Variants in HHAT observed in about 807,000 individuals in gnomAD.
The protein encoded by HHAT is hedgehog acyltransferase, also known as protein-cysteine N-palmitoyltransferase HHAT.
In HHAT, 47 loss-of-function variants were observed where a neutral mutation model predicts 70.8. The ratio of observed to expected loss-of-function variants is 0.66; its 90% CI spans 0.53 to 0.85. HHAT has a LOEUF of 0.85. HHAT is among the 40% of genes least tolerant of loss of function. HHAT has a pLI of 0.00. For missense variants in HHAT, 609 were observed against 604.8 expected (o/e 1.01, Z -0.07); for synonymous variants, 228 against 247.6 (o/e 0.92, Z 0.74).
chr1:210,594,101 C>T (rs1195326233), intron 10 of HHAT, among the ~76,000 whole-genome samples: 2 of 152,176 alleles, frequency 1.3e-5, no homozygotes, highest in African/African-American at 2.4e-5. Context: ...ATTATGGGGT[C>T]CTGTTTTTTA....
chr1:210,337,937 A>G (rs1221868262), intron 1 of HHAT, among the ~76,000 whole-genome samples: 1 of 152,228 alleles, frequency 6.6e-6, no homozygotes, highest in Non-Finnish European at 1.5e-5. Flanking sequence ...GGTCTAAGAT[A>G]TTATTTGAGT....
intron 1 of HHAT, among the ~76,000 whole-genome samples, chr1:210,334,178 A>ATTTTTTTTTTTTTTTTTTTT (rs3033354): frequency 0.023 from 2,271 of 99,712 alleles, 513 homozygotes; most frequent in Non-Finnish European, 0.029. Context: ...TTAGCGTGTC[A>ATTTTTTTTTTTTTTTTTTTT]TTTTTTTTTT....
At chr1:210,573,724 A>G (rs1656922013) in intron 9 of HHAT, among the ~76,000 whole-genome samples, 2 of 152,124 alleles carry the variant, frequency 1.3e-5, no homozygotes, top group South Asian at 2.1e-4. Flanking sequence ...TGCTCAGGGT[A>G]TCTCCTGTTG....
intron 2 of HHAT, among the ~76,000 whole-genome samples, chr1:210,351,670 C>T (rs1285023166): frequency 2.6e-5 from 4 of 152,186 alleles, no homozygotes; most frequent in Non-Finnish European, 5.9e-5. Flanking sequence ...GGCTCACTCA[C>T]GTGGCTGGCA....
intron 9 of HHAT, among the ~76,000 whole-genome samples, chr1:210,531,289 T>C (rs371005757): frequency 3.3e-5 from 5 of 152,236 alleles, no homozygotes; most frequent in African/African-American, 1.2e-4. Context: ...ATATGAACTA[T>C]GGTAATTAAA....
At chr1:210,401,017 T>G (rs2092044405) in intron 5 of HHAT, among the ~76,000 whole-genome samples, 1 of 152,214 alleles carries the variant, frequency 6.6e-6, no homozygotes. Context: ...CCCTACAATT[T>G]ATAGGGAATG....
chr1:210,587,900 A>G lies in HHAT; in HGVS notation c.1046A>G (p.Tyr349Cys). The G allele has an allele frequency of 6.2e-7, 1 of 1,613,240 alleles. No individual in the cohort carries two copies. The highest frequency in any genetic ancestry group is 8.5e-7 in the Non-Finnish European group (1 of 1,179,510). Residue 349 changes from tyrosine to cysteine, a missense_variant and splice_region_variant, in exon 10 of 12, where the codon TAT (tyrosine) becomes TGT (cysteine). Transcript: ENST00000261458. ...DVGLHNFLIR[Y>C]VYIPVGGSQH... ...CTAACAGCCTCTTCTTTCTCTAGGT[A>G]TGTGTACATTCCAGTGGGCGGGTCC...
intron 11 of HHAT, among the ~76,000 whole-genome samples, chr1:210,663,118 A>G (rs1678117030): frequency 1.3e-5 from 2 of 152,228 alleles, no homozygotes; most frequent in East Asian, 1.9e-4. Flanking sequence ...ATGCTCTTCA[A>G]TGCTCACAGT....
intron 11 of HHAT, among the ~76,000 whole-genome samples, chr1:210,670,277 C>T (rs1679813511): frequency 6.6e-6 from 1 of 152,222 alleles, no homozygotes; most frequent in African/African-American, 2.4e-5. Flanking sequence ...AGCAGGCCCA[C>T]AGTCAGAGAC....
chr1:210,515,757 C>CA (rs34971563), intron 9 of HHAT, among the ~76,000 whole-genome samples: 22,524 of 80,094 alleles, frequency 0.28, 3,424 homozygotes, highest in South Asian at 0.4. Context: ...GACTCCGTCT[C>CA]AAAAAAAAAA....
intron 11 of HHAT, among the ~76,000 whole-genome samples, chr1:210,633,604 G>T (rs574760074): frequency 6.6e-6 from 1 of 152,068 alleles, no homozygotes; most frequent in Non-Finnish European, 1.5e-5. Flanking sequence ...TCCAGCCCCC[G>T]CCTGACTTCA....
chr1:210,539,668 G>A (rs935048818), intron 9 of HHAT, among the ~76,000 whole-genome samples: 1 of 152,314 alleles, frequency 6.6e-6, no homozygotes, highest in South Asian at 2.1e-4. Context: ...GTCTGGCAAT[G>A]TGTAAACTGA....
At chr1:210,588,147 G>C in intron 10 of HHAT, 48 bp downstream of exon 10, 1 of 1,474,768 alleles carries the variant, frequency 6.8e-7, no homozygotes, top group Non-Finnish European at 9.2e-7. Context: ...GAACTAGGCA[G>C]ATCAGGTTTA....
chr1:210,443,470 C>T (rs2093571007), intron 7 of HHAT, among the ~76,000 whole-genome samples: 1 of 145,868 alleles, frequency 6.9e-6, no homozygotes, highest in African/African-American at 2.5e-5. Flanking sequence ...ATTCTTCCTA[C>T]CCATGAGCAT....
intron 10 of HHAT, among the ~76,000 whole-genome samples, chr1:210,618,790 C>T (rs1668264830): frequency 6.6e-6 from 1 of 152,198 alleles, no homozygotes; most frequent in Non-Finnish European, 1.5e-5. Flanking sequence ...CTGTGATTTC[C>T]AGGGAAAGGA....
chr1:210,523,626 G>A (rs1377876469), intron 9 of HHAT, among the ~76,000 whole-genome samples: 2 of 138,714 alleles, frequency 1.4e-5, no homozygotes, highest in Admixed American at 7.1e-5. Flanking sequence ...GCGCGCACAC[G>A]TGCGCATGTG....
intron 6 of HHAT, among the ~76,000 whole-genome samples, chr1:210,413,616 C>T (rs2092630544): frequency 6.6e-6 from 1 of 152,222 alleles, no homozygotes. Context: ...CAAATTCTGC[C>T]TTCCACAAAA....
chr1:210,675,569 T>G lies in HHAT; in HGVS notation c.*1190T>G, dbSNP rs1680965913. On this transcript the variant is annotated 3_prime_UTR_variant, in exon 12 of 12. Coordinates refer to ENST00000261458, the MANE Select transcript of HHAT (RefSeq NM_018194.6). ...ATTTACAACATCTCAAGTACGTAAATTAAGTTGTCATTGAGTGAAAGGTTC... is the reference window on the plus strand; with the variant it reads ...ATTTACAACATCTCAAGTACGTAAAGTAAGTTGTCATTGAGTGAAAGGTTC... The G allele has an allele frequency of 6.6e-6, 1 of 152,072 alleles. No individual in the cohort carries two copies. The highest frequency in any genetic ancestry group is 1.5e-5 in the Non-Finnish European group (1 of 68,018). The allele number at this position is 152,072 out of a possible 1,614,324, so 9.4% of individuals were successfully genotyped here.
intron 10 of HHAT, among the ~76,000 whole-genome samples, chr1:210,610,105 G>A (rs1666284541): frequency 6.6e-6 from 1 of 152,160 alleles, no homozygotes; most frequent in African/African-American, 2.4e-5. Context: ...TTCCACAATG[G>A]TTGAGTTAAC....
Sources: allele counts gnomAD v4.1 joint callset (sites outside exome capture counted in the v4.1 genomes callset), GRCh38; gene constraint gnomAD v4.1.1; transcripts MANE v1.5; gene names NCBI Gene and HGNC (gene_info 2026-07-23, HGNC 2026-07-21).